The following SYN2 variants were observed in gnomAD, a reference collection of about 807,000 sequenced individuals.
The protein encoded by SYN2 is synapsin-2.
In SYN2, 19 loss-of-function variants were observed where a neutral mutation model predicts 50.9. That is an observed-to-expected ratio of 0.37 (90% confidence interval 0.26 to 0.55). The LOEUF (loss-of-function observed/expected upper bound fraction) is 0.55, where lower values mean the gene tolerates loss of function less well. Ranked by LOEUF, SYN2 falls within the 20% of genes least tolerant of loss-of-function variation. SYN2 has a pLI of 0.81. For synonymous variants in SYN2, 255 were observed against 224.9 expected (o/e 1.13, Z -1.20); for missense variants, 587 against 576.4 (o/e 1.02, Z -0.19).
At position 12,190,891 on chromosome 3, in the gene SYN2, C is replaced by T. The variant is rs1016244154; in HGVS notation, c.*266C>T. ...CATGAGAGCTTCCTTCTGAAGTCAT[C>T]GTTCGCTGTGAGTTTAGTGGCCTTA... is the stretch of plus-strand genomic sequence containing the variant. On this transcript the variant is annotated 3_prime_UTR_variant, in exon 13 of 13. Coordinates refer to ENST00000621198, the MANE Select transcript of SYN2 (RefSeq NM_133625.6). 9.9e-5 allele frequency: 120 copies of T among 1,206,864 alleles called. No homozygotes were observed. The highest frequency in any genetic ancestry group is 1.1e-4 in the Non-Finnish European group (107 of 970,026). The allele number at this position is 1,206,864 out of a possible 1,614,324, so 74.8% of individuals were successfully genotyped here.
At chr3:12,022,873 G>C (rs1694173053) in intron 1 of SYN2, among the ~76,000 whole-genome samples, 1 of 152,150 alleles carries the variant, frequency 6.6e-6, no homozygotes, top group Admixed American at 6.5e-5. Context: ...GCCTATAGGA[G>C]GATGAATATG....
intron 1 of SYN2, chr3:12,070,927 G>A (rs578237284): frequency 7.6e-5 from 42 of 554,350 alleles, no homozygotes; most frequent in African/African-American, 3.2e-4. Flanking sequence ...GGCCACCGCC[G>A]CATCCTCCTC....
Position 12,167,267 on chromosome 3 carries a change from C to G in SYN2, c.1014C>G (p.Asn338Lys), listed in dbSNP as rs1184634915. The change falls in exon 8 of 13, where the codon AAC becomes AAG. Residue 338 changes from asparagine to lysine, a missense_variant. Physicochemically the swap from Asn to Lys is moderately conservative, Grantham distance 94 (BLOSUM62 0). Coordinates refer to ENST00000621198, the MANE Select transcript of SYN2 (RefSeq NM_133625.6). ...CGATCTCAGGGAACTGGAAGACGAA[C>G]ACTGGCTCTGCGATGCTGGAGCAGA... ...RTSISGNWKT[N>K]TGSAMLEQIA... 2 of 1,613,120 alleles carry G rather than the reference C, an allele frequency of 1.2e-6. No homozygotes were observed. Among genetic ancestry groups the G allele is most frequent in the Admixed American group, 1.7e-5 (1 of 59,904 alleles).
chr3:12,047,337 C>T (rs1165121629), intron 1 of SYN2, among the ~76,000 whole-genome samples: 3 of 145,804 alleles, frequency 2.1e-5, no homozygotes, highest in Non-Finnish European at 3.1e-5. Context: ...GAGGATGTAT[C>T]CATCTGGTGG....
At chr3:12,153,509 TC>T in intron 5 of SYN2, 1 of 1,612,874 alleles carries the variant, frequency 6.2e-7, no homozygotes, top group Non-Finnish European at 8.5e-7. Flanking sequence ...TGGTCACTGG[TC>T]CCTACTAGGG....
At chr3:12,121,763 G>A (rs1020732177) in intron 1 of SYN2, among the ~76,000 whole-genome samples, 2 of 151,764 alleles carry the variant, frequency 1.3e-5, no homozygotes, top group African/African-American at 2.4e-5. Flanking sequence ...GAGAGAGAAA[G>A]AGATAGAAAA....
chr3:12,054,746 C>A (rs1334310862), intron 1 of SYN2, among the ~76,000 whole-genome samples: 1 of 149,376 alleles, frequency 6.7e-6, no homozygotes, highest in African/African-American at 2.5e-5. Flanking sequence ...TTTTGCTTAG[C>A]TTTACTTCCT....
At chr3:12,184,432 G>C in intron 11 of SYN2, 1 of 985,904 alleles carries the variant, frequency 1.0e-6, no homozygotes, top group Non-Finnish European at 1.2e-6. Flanking sequence ...GCTACTGAAG[G>C]TCTGTCAGGG....
chr3:12,136,724 G>A (rs1696902055), intron 1 of SYN2, among the ~76,000 whole-genome samples: 1 of 152,138 alleles, frequency 6.6e-6, no homozygotes, highest in South Asian at 2.1e-4. Flanking sequence ...TTAGCAATAA[G>A]GGGAGATGGT....
At chr3:12,064,689 A>C (rs1200708826) in intron 1 of SYN2, among the ~76,000 whole-genome samples, 1 of 152,078 alleles carries the variant, frequency 6.6e-6, no homozygotes, top group Non-Finnish European at 1.5e-5. Flanking sequence ...ATAACTTTAC[A>C]CTCCATAGGA....
chr3:12,165,077 C>G (rs1697749968), intron 7 of SYN2, among the ~76,000 whole-genome samples: 2 of 151,448 alleles, frequency 1.3e-5, no homozygotes, highest in Non-Finnish European at 1.5e-5. Flanking sequence ...ACCTCCGCCT[C>G]CCTGGTTCAA....
At chr3:12,053,635 C>G (rs556459298) in intron 1 of SYN2, among the ~76,000 whole-genome samples, 1 of 151,936 alleles carries the variant, frequency 6.6e-6, no homozygotes, top group Non-Finnish European at 1.5e-5. Context: ...AGGTGGCATA[C>G]TTACTATGAT....
chr3:12,070,912 G>A (rs574231414), intron 1 of SYN2: 12 of 560,416 alleles, frequency 2.1e-5, no homozygotes, highest in African/African-American at 2.1e-4. Flanking sequence ...CTTCGAACAG[G>A]AGATGGCCAC....
intron 1 of SYN2, among the ~76,000 whole-genome samples, chr3:12,051,555 A>G (rs909483718): frequency 6.6e-5 from 10 of 152,194 alleles, no homozygotes; most frequent in Non-Finnish European, 1.3e-4. Context: ...CCTCAAATGT[A>G]AGAACTGAAA....
intron 1 of SYN2, among the ~76,000 whole-genome samples, chr3:12,114,279 C>A (rs557175031): frequency 6.6e-6 from 1 of 152,102 alleles, no homozygotes; most frequent in South Asian, 2.1e-4. Context: ...GTCCTTTGCC[C>A]AATTTTTAAT....
intron 1 of SYN2, among the ~76,000 whole-genome samples, chr3:12,077,334 T>A (rs1002120415): frequency 1.3e-5 from 2 of 152,148 alleles, no homozygotes; most frequent in African/African-American, 4.8e-5. Flanking sequence ...TTCTTTTAAG[T>A]TCCAGGGCAC....
chr3:12,184,334 G>C (rs1409101487), intron 11 of SYN2: 1 of 985,790 alleles, frequency 1.0e-6, no homozygotes, highest in African/African-American at 1.7e-5. Flanking sequence ...GTGTGCGCTT[G>C]TGTGGACCTG....
intron 10 of SYN2, 80 bp from the exon 11 acceptor site, chr3:12,183,226 CGGCCTT>C: frequency 6.7e-7 from 1 of 1,501,442 alleles, no homozygotes; most frequent in East Asian, 2.4e-5. Context: ...GATTCCACTG[CGGCCTT>C]GCCATGGAGC....
At chr3:12,070,159 C>T (rs150086139) in intron 1 of SYN2, 8 of 322,246 alleles carry the variant, frequency 2.5e-5, no homozygotes, top group Non-Finnish European at 4.9e-5. Flanking sequence ...ATCACACAGT[C>T]GCTGCCGCCA....
Sources: allele counts gnomAD v4.1 joint callset (sites outside exome capture counted in the v4.1 genomes callset), GRCh38; gene constraint gnomAD v4.1.1; transcripts MANE v1.5; gene names NCBI Gene and HGNC (gene_info 2026-07-23, HGNC 2026-07-21).